The following SPMAP2L variants were observed in gnomAD, a reference collection of about 807,000 sequenced individuals.
SPMAP2L encodes the protein sperm microtubule associated protein 2-like.
the SPMAP2L span, among the ~76,000 whole-genome samples, chr4:56,570,271 T>C: frequency 8.5e-5 from 13 of 152,214 alleles, no homozygotes; most frequent in African/African-American, 3.1e-4. Flanking sequence ...TTCATAGTAC[T>C]CACCACAACT....
the SPMAP2L span, among the ~76,000 whole-genome samples, chr4:56,565,065 T>A: frequency 4.6e-5 from 7 of 152,226 alleles, no homozygotes; most frequent in African/African-American, 1.4e-4. Context: ...TTATTGAAAC[T>A]TTTTTATGTC....
At chr4:56,614,306 A>T in the SPMAP2L span, among the ~76,000 whole-genome samples, 1 of 152,204 alleles carries the variant, frequency 6.6e-6, no homozygotes, top group Non-Finnish European at 1.5e-5. Flanking sequence ...GTGGAAAAAT[A>T]TAAGTCATGT....
the SPMAP2L span, among the ~76,000 whole-genome samples, chr4:56,606,139 C>T: frequency 2.4e-4 from 36 of 152,118 alleles, no homozygotes; most frequent in Non-Finnish European, 4.4e-4. Context: ...CAAAGTGTGA[C>T]GTTTTCTTAA....
chr4:56,614,712 A>G, the SPMAP2L span, among the ~76,000 whole-genome samples: 2 of 152,174 alleles, frequency 1.3e-5, no homozygotes, highest in South Asian at 2.1e-4. Context: ...AAGCGAGACA[A>G]TGGATGAAAC....
At chr4:56,576,631 G>C in the SPMAP2L span, among the ~76,000 whole-genome samples, 1 of 152,320 alleles carries the variant, frequency 6.6e-6, no homozygotes, top group South Asian at 2.1e-4. Flanking sequence ...GGTTGAACTA[G>C]ACAGCTTGAG....
chr4:56,617,392 ACTAC>A, the SPMAP2L span, among the ~76,000 whole-genome samples: 1 of 152,130 alleles, frequency 6.6e-6, no homozygotes, highest in South Asian at 2.1e-4. Context: ...GTTTTTTCCT[ACTAC>A]CTACCTACCT....
the SPMAP2L span, among the ~76,000 whole-genome samples, chr4:56,552,079 A>G: frequency 3.3e-5 from 5 of 152,176 alleles, no homozygotes; most frequent in East Asian, 7.7e-4. Context: ...AAAATTAGGG[A>G]AGGTTCAAGG....
the SPMAP2L span, chr4:56,601,158 G>A: frequency 6.7e-7 from 1 of 1,483,050 alleles, no homozygotes; most frequent in Non-Finnish European, 8.9e-7. Context: ...GGGGTTCTGG[G>A]GAGAGGGAGA....
the SPMAP2L span, among the ~76,000 whole-genome samples, chr4:56,618,574 T>G: frequency 2.1e-3 from 316 of 152,142 alleles, 1 homozygote; most frequent in Middle Eastern, 6.8e-3. Flanking sequence ...AAGCCCCTCA[T>G]ATAACCATCA....
At chr4:56,581,906 G>C in the SPMAP2L span, among the ~76,000 whole-genome samples, 1 of 152,104 alleles carries the variant, frequency 6.6e-6, no homozygotes, top group Admixed American at 6.5e-5. Context: ...AGAGTGTCAA[G>C]ATAGTTTAAT....
At chr4:56,593,139 A>G in the SPMAP2L span, 11 of 1,575,228 alleles carry the variant, frequency 7.0e-6, no homozygotes, top group Non-Finnish European at 7.9e-6. Flanking sequence ...ATCACCCAGT[A>G]TACTCCATAC....
chr4:56,622,600 C>T, the SPMAP2L span, among the ~76,000 whole-genome samples: 1 of 152,138 alleles, frequency 6.6e-6, no homozygotes, highest in Non-Finnish European at 1.5e-5. Flanking sequence ...TAACACATTT[C>T]ATTTTGTTCT....
chr4:56,601,098 T>C, the SPMAP2L span: 1 of 1,534,266 alleles, frequency 6.5e-7, no homozygotes, highest in Non-Finnish European at 8.7e-7. Flanking sequence ...AACTAGCTAA[T>C]CCAAATAAGA....
At chr4:56,599,239 G>A in the SPMAP2L span, among the ~76,000 whole-genome samples, 1 of 152,024 alleles carries the variant, frequency 6.6e-6, no homozygotes, top group Non-Finnish European at 1.5e-5. Context: ...CTGGAGAGCA[G>A]TGGTGCTATC....
At chr4:56,603,109 A>T in the SPMAP2L span, 2 of 676,530 alleles carry the variant, frequency 3.0e-6, no homozygotes, top group South Asian at 6.0e-5. Flanking sequence ...ATAAAATGGG[A>T]TAATATCATA....
chr4:56,601,299 TA>T, the SPMAP2L span, among the ~76,000 whole-genome samples: 47 of 152,266 alleles, frequency 3.1e-4, no homozygotes, highest in Non-Finnish European at 5.6e-4. Flanking sequence ...AGGCTACTGT[TA>T]AAAGGTTAGT....
chr4:56,555,559 A>G, the SPMAP2L span, among the ~76,000 whole-genome samples: 1 of 152,160 alleles, frequency 6.6e-6, no homozygotes, highest in African/African-American at 2.4e-5. Context: ...GGAATAATTG[A>G]TATCTTAATA....
At chr4:56,625,840 C>A in the SPMAP2L span, among the ~76,000 whole-genome samples, 1 of 152,162 alleles carries the variant, frequency 6.6e-6, no homozygotes, top group African/African-American at 2.4e-5. Flanking sequence ...TTCTTATCTC[C>A]CCTAGTAAAA....
the SPMAP2L span, among the ~76,000 whole-genome samples, chr4:56,563,259 A>ATTT: frequency 3.0e-5 from 4 of 135,510 alleles, no homozygotes; most frequent in African/African-American, 1.1e-4. Flanking sequence ...TACCCGGCTA[A>ATTT]TTTTTTTTTT....
Sources: gnomAD v4.1 joint callset for allele counts (sites outside exome capture counted in the v4.1 genomes callset) on GRCh38, gnomAD v4.1.1 for gene constraint, MANE v1.5 for transcripts, NCBI Gene and HGNC (gene_info 2026-07-23, HGNC 2026-07-21) for gene names.